Variants in FHOD3 observed in about 807,000 individuals in gnomAD.
FHOD3 encodes the protein FH1/FH2 domain-containing protein 3.
In FHOD3, 90 loss-of-function variants were observed where a neutral mutation model predicts 173.0. That is an observed-to-expected ratio of 0.52 (90% CI 0.44 to 0.62). FHOD3 has a LOEUF of 0.62. FHOD3 is among the 20% of genes least tolerant of loss of function. The pLI, the probability that FHOD3 is intolerant of heterozygous loss-of-function variation, is 0.00. For missense variants in FHOD3, 1,945 were observed against 2,034.7 expected, an observed-to-expected ratio of 0.96 and a Z score of 0.85; for synonymous variants, 828 against 823.0, an observed-to-expected ratio of 1.01 and a Z score of -0.10.
intron 1 of FHOD3, among the ~76,000 whole-genome samples, chr18:36,325,942 A>T (rs1429013244): frequency 6.6e-6 from 1 of 152,186 alleles, no homozygotes; most frequent in Admixed American, 6.5e-5. Context: ...AGTTTTAAAA[A>T]CTTTCTTCAG....
chr18:36,372,920 C>T (rs973666089), intron 3 of FHOD3, among the ~76,000 whole-genome samples, 176 bp downstream of exon 3: 1 of 152,216 alleles, frequency 6.6e-6, no homozygotes, highest in African/African-American at 2.4e-5. Context: ...ATTCCAGCTT[C>T]CTCTGCTGTT....
intron 4 of FHOD3, among the ~76,000 whole-genome samples, chr18:36,503,851 A>G (rs1226684051): frequency 6.6e-6 from 1 of 152,074 alleles, no homozygotes; most frequent in Non-Finnish European, 1.5e-5. Flanking sequence ...CTTGGCTACA[A>G]CCTGAGTTCC....
chr18:36,660,098 G>A (rs541889872), intron 14 of FHOD3, among the ~76,000 whole-genome samples: 5 of 152,144 alleles, frequency 3.3e-5, no homozygotes, highest in Non-Finnish European at 4.4e-5. Flanking sequence ...GTGAACCCCC[G>A]TCTCTACTAA....
intron 3 of FHOD3, among the ~76,000 whole-genome samples, chr18:36,409,723 G>A (rs894430713): frequency 5.3e-5 from 8 of 152,226 alleles, no homozygotes; most frequent in African/African-American, 1.9e-4. Context: ...TTTGGTATGT[G>A]GAAAAGCTAG....
chr18:36,392,760 A>G (rs1048356340), intron 3 of FHOD3, among the ~76,000 whole-genome samples: 2 of 152,212 alleles, frequency 1.3e-5, no homozygotes, highest in African/African-American at 4.8e-5. Flanking sequence ...TCCTTTGGCT[A>G]CTGTCATGGC....
At chr18:36,417,251 A>G (rs2049705207) in intron 3 of FHOD3, among the ~76,000 whole-genome samples, 1 of 151,986 alleles carries the variant, frequency 6.6e-6, no homozygotes, top group South Asian at 2.1e-4. Flanking sequence ...CCCAGTGTCT[A>G]TTGTTCCCCT....
At chr18:36,529,588 G>T (rs888215380) in intron 5 of FHOD3, among the ~76,000 whole-genome samples, 1 of 152,066 alleles carries the variant, frequency 6.6e-6, no homozygotes, top group African/African-American at 2.4e-5. Flanking sequence ...GGAGGCTGAG[G>T]CGGGTGGATC....
At chr18:36,357,528 C>T (rs1365141861) in intron 2 of FHOD3, among the ~76,000 whole-genome samples, 2 of 152,104 alleles carry the variant, frequency 1.3e-5, no homozygotes, top group Admixed American at 6.5e-5. Context: ...TAAGGGCACA[C>T]CAATAGTATG....
intron 3 of FHOD3, among the ~76,000 whole-genome samples, chr18:36,385,870 T>A (rs1323159881): frequency 1.3e-5 from 2 of 152,202 alleles, no homozygotes; most frequent in Non-Finnish European, 2.9e-5. Context: ...GTTCTCCTGA[T>A]GGAAGGGGCT....
intron 5 of FHOD3, among the ~76,000 whole-genome samples, chr18:36,562,038 A>T (rs1175590828): frequency 1.3e-5 from 2 of 148,640 alleles, no homozygotes; most frequent in African/African-American, 2.5e-5. Context: ...ATTTTTTGAG[A>T]TGGAGTCTCA....
chr18:36,754,207 C>T, intron 24 of FHOD3, among the ~76,000 whole-genome samples: 1 of 152,090 alleles, frequency 6.6e-6, no homozygotes, highest in East Asian at 1.9e-4. Context: ...TGTATGTTTA[C>T]TTCATTATTC....
intron 3 of FHOD3, among the ~76,000 whole-genome samples, chr18:36,416,679 T>C (rs1217408596): frequency 7.9e-5 from 12 of 152,176 alleles, no homozygotes. Context: ...TGTTGGACTT[T>C]TGCATCGCTC....
intron 20 of FHOD3, among the ~76,000 whole-genome samples, chr18:36,738,749 T>C (rs1204358258): frequency 6.6e-6 from 1 of 152,266 alleles, no homozygotes; most frequent in Admixed American, 6.5e-5. Context: ...GCCACATTTA[T>C]GTGTCCTGTT....
chr18:36,452,805 T>C (rs1227390008), intron 3 of FHOD3, among the ~76,000 whole-genome samples: 1 of 152,128 alleles, frequency 6.6e-6, no homozygotes, highest in South Asian at 2.1e-4. Context: ...AATAATTCAT[T>C]GTGTGTGTAT....
At chr18:36,713,727 A>T in intron 18 of FHOD3, among the ~76,000 whole-genome samples, 1 of 152,230 alleles carries the variant, frequency 6.6e-6, no homozygotes, top group East Asian at 1.9e-4. Flanking sequence ...TTTACAAATT[A>T]TATGAATGTA....
chr18:36,652,188 T>A (rs924275739), intron 11 of FHOD3, among the ~76,000 whole-genome samples: 1 of 152,178 alleles, frequency 6.6e-6, no homozygotes, highest in African/African-American at 2.4e-5. Context: ...AGAGATGAAG[T>A]TCCAGTCGTG....
chr18:36,432,996 C>G (rs1237961467), intron 3 of FHOD3, among the ~76,000 whole-genome samples: 1 of 152,126 alleles, frequency 6.6e-6, no homozygotes, highest in Non-Finnish European at 1.5e-5. Context: ...GGTAGAACAT[C>G]AGGAGGTGGA....
chr18:36,416,420 G>T (rs991491036), intron 3 of FHOD3, among the ~76,000 whole-genome samples: 1 of 152,174 alleles, frequency 6.6e-6, no homozygotes, highest in East Asian at 1.9e-4. Flanking sequence ...AGTCCGTAAG[G>T]TCTGTCATGT....
chr18:36,681,790 A>G (rs1311829724), intron 15 of FHOD3, among the ~76,000 whole-genome samples: 9 of 152,126 alleles, frequency 5.9e-5, no homozygotes, highest in African/African-American at 1.9e-4. Context: ...GCCAAATACA[A>G]TTAGGGACTC....
Sources: gnomAD v4.1 joint callset for allele counts (sites outside exome capture counted in the v4.1 genomes callset) on GRCh38, gnomAD v4.1.1 for gene constraint, MANE v1.5 for transcripts, NCBI Gene and HGNC (gene_info 2026-07-23, HGNC 2026-07-21) for gene names.